The following UTRN variants were observed in gnomAD, a reference collection of about 807,000 sequenced individuals.
UTRN encodes utrophin, also known as dystrophin-related protein 1.
UTRN carries 283 observed loss-of-function variants against 463.9 expected under a neutral mutation model. That is an observed-to-expected ratio of 0.61 (90% CI 0.55 to 0.67). The LOEUF (loss-of-function observed/expected upper bound fraction) is 0.67, where lower values mean the gene tolerates loss of function less well. Among genes scored for constraint, UTRN ranks in the 30% least tolerant of loss-of-function variants. UTRN has a pLI of 0.00. For missense variants in UTRN, 3,922 were observed against 4,084.3 expected, an observed-to-expected ratio of 0.96 and a Z score of 1.08; for synonymous variants, 1,442 against 1,431.5, an observed-to-expected ratio of 1.01 and a Z score of -0.17.
intron 51 of UTRN, among the ~76,000 whole-genome samples, chr6:144,670,100 A>C (rs1001893451): frequency 3.3e-5 from 5 of 152,008 alleles, no homozygotes; most frequent in African/African-American, 4.8e-5. Context: ...TCCTGTGTAC[A>C]TGTCTTTTTC....
chr6:144,447,680 C>T lies in UTRN; in HGVS notation c.1801C>T (p.Leu601Phe), dbSNP rs537984540. 6.2e-7 allele frequency: 1 copy of T among 1,613,990 alleles called. No individual in the cohort carries two copies. The highest frequency in any genetic ancestry group is 8.5e-7 in the Non-Finnish European group (1 of 1,179,944). Reference sequence around the variant, plus strand: ...GATTGGCCAGGATGTGGGACAATTACTTGATAATTCCAAGGCATCTAAGAA... The same window carrying T: ...GATTGGCCAGGATGTGGGACAATTATTTGATAATTCCAAGGCATCTAAGAA... ...SEIGQDVGQL[L>F]DNSKASKKIN... Residue 601 changes from leucine to phenylalanine, a missense_variant, in exon 16 of 75, where the codon CTT becomes TTT. Leu to Phe is a conservative substitution (Grantham distance 22). Coordinates refer to ENST00000367545, the MANE Select transcript of UTRN (RefSeq NM_007124.3).
At position 144,436,125 on chromosome 6, in the gene UTRN, T is replaced by A. The variant is rs531224802; in HGVS notation, c.1046T>A (p.Phe349Tyr). ...GATGTTGAAGAAGTCAAAGACCAGT[T>A]TGCAACCCATGAAGTAAATATCTGT... ...SDDVEEVKDQ[F>Y]ATHEAFMMEL... is the part of the protein sequence containing the mutation. Residue 349 changes from phenylalanine (F) to tyrosine (Y), a missense_variant, in exon 10 of 75, where the codon TTT becomes TAT. By Grantham distance (22) the Phe-to-Tyr change is conservative. Coordinates refer to ENST00000367545, the MANE Select transcript of UTRN (RefSeq NM_007124.3). 1.2e-6 allele frequency: 2 copies of A among 1,613,752 alleles called. No individual in the cohort carries two copies. Among genetic ancestry groups the A allele is most frequent in the South Asian group, 2.2e-5 (2 of 91,078 alleles).
chr6:144,807,335 C>G (rs1166002144), intron 65 of UTRN, among the ~76,000 whole-genome samples: 1 of 151,898 alleles, frequency 6.6e-6, no homozygotes, highest in Non-Finnish European at 1.5e-5. Flanking sequence ...TGTAAGAAGA[C>G]TAATGGTATA....
chr6:144,508,151 C>T (rs763840294), intron 34 of UTRN, among the ~76,000 whole-genome samples: 7 of 152,268 alleles, frequency 4.6e-5, no homozygotes, highest in South Asian at 2.1e-4. Context: ...AATTTCCAGC[C>T]GTTGGATCTT....
chr6:144,667,832 A>G (rs1780584561), intron 51 of UTRN, among the ~76,000 whole-genome samples: 2 of 152,154 alleles, frequency 1.3e-5, no homozygotes, highest in African/African-American at 4.8e-5. Context: ...CAGCCTGAGA[A>G]CCTTGAATCA....
At chr6:144,663,242 A>G (rs1187307137) in intron 51 of UTRN, among the ~76,000 whole-genome samples, 1 of 152,146 alleles carries the variant, frequency 6.6e-6, no homozygotes, top group East Asian at 1.9e-4. Flanking sequence ...TGTGCCTGCC[A>G]GCAAGCAGGT....
intron 51 of UTRN, among the ~76,000 whole-genome samples, chr6:144,632,017 AG>A (rs1776581945): frequency 6.6e-6 from 1 of 152,202 alleles, no homozygotes; most frequent in Non-Finnish European, 1.5e-5. Context: ...GGGAAGCGCC[AG>A]GGTCCATCAA....
chr6:144,458,684 T>G, intron 19 of UTRN, 86 bp from the exon 20 acceptor site: 1 of 1,456,196 alleles, frequency 6.9e-7, no homozygotes, highest in East Asian at 2.4e-5. Flanking sequence ...ATTGCCTCAC[T>G]ATTCTGAGTG....
chr6:144,633,376 C>G (rs1187643311), intron 51 of UTRN, among the ~76,000 whole-genome samples: 3 of 152,030 alleles, frequency 2.0e-5, no homozygotes, highest in Admixed American at 1.3e-4. Context: ...ACTACAGGCA[C>G]CTGCAACCAC....
intron 41 of UTRN, among the ~76,000 whole-genome samples, chr6:144,526,582 G>A (rs140263482): frequency 1.8e-3 from 271 of 151,988 alleles, no homozygotes; most frequent in African/African-American, 6.0e-3. Flanking sequence ...TTTATGTGTC[G>A]GGTGAGTCTC....
chr6:144,437,060 C>T (rs1376060795), intron 10 of UTRN, among the ~76,000 whole-genome samples: 1 of 151,318 alleles, frequency 6.6e-6, no homozygotes, highest in African/African-American at 2.4e-5. Flanking sequence ...TCAAGTGATT[C>T]TCCTGCATCA....
chr6:144,442,423 A>T (rs1182612840), intron 13 of UTRN, among the ~76,000 whole-genome samples: 1 of 152,096 alleles, frequency 6.6e-6, no homozygotes, highest in Non-Finnish European at 1.5e-5. Context: ...GTATCTTTTC[A>T]ACAGCACCCC....
intron 54 of UTRN, among the ~76,000 whole-genome samples, chr6:144,747,797 A>G (rs1300382915): frequency 2.6e-5 from 4 of 152,230 alleles, no homozygotes; most frequent in Non-Finnish European, 5.9e-5. Context: ...AACACAATAC[A>G]TTAATCTTAT....
chr6:144,820,175 T>C (rs1586708700), intron 65 of UTRN, among the ~76,000 whole-genome samples: 3 of 148,946 alleles, frequency 2.0e-5, no homozygotes, highest in South Asian at 2.2e-4. Flanking sequence ...GTGGGTGGGG[T>C]TGGGATAGTG....
chr6:144,301,879 C>CT (rs1270734785), intron 2 of UTRN, among the ~76,000 whole-genome samples: 2 of 152,038 alleles, frequency 1.3e-5, no homozygotes, highest in African/African-American at 4.8e-5. Context: ...CCCCTCGCCC[C>CT]AAAAACCACC....
At chr6:144,302,309 G>A (rs531208962) in intron 2 of UTRN, among the ~76,000 whole-genome samples, 4 of 152,162 alleles carry the variant, frequency 2.6e-5, no homozygotes, top group East Asian at 1.9e-4. Context: ...TCAGGAGTTC[G>A]AGACCAGCCT....
rs530390940 is a variant in UTRN at position 144,564,745 on chromosome 6, G to C, written c.7289+7434G>C. On this transcript the variant is annotated intron_variant, in intron 50 of 74. Coordinates refer to ENST00000367545, the MANE Select transcript of UTRN (RefSeq NM_007124.3). ...ACTCATTATCACGAGAACAACATGG[G>C]GGAAACCATCCCCATTATCCAATTA... Among the ~76,000 whole-genome samples, 349 of 152,150 alleles carry C rather than the reference G, an allele frequency of 2.3e-3. 1 individual carries two copies. The highest frequency in any genetic ancestry group is 6.8e-3 in the Middle Eastern group (2 of 294).
chr6:144,300,194 A>T (rs1457060845), intron 2 of UTRN, among the ~76,000 whole-genome samples: 1 of 151,410 alleles, frequency 6.6e-6, no homozygotes, highest in Non-Finnish European at 1.5e-5. Context: ...GGATCAAGTG[A>T]TTCTCCCACC....
chr6:144,416,053 ATGTGTGTGTG>A (rs150925725), intron 3 of UTRN, among the ~76,000 whole-genome samples: 3 of 147,040 alleles, frequency 2.0e-5, no homozygotes, highest in African/African-American at 7.5e-5. Flanking sequence ...GTGTGTGTGT[ATGTGTGTGTG>A]TGTGTGTGTG....
Sources: allele counts gnomAD v4.1 joint callset (sites outside exome capture counted in the v4.1 genomes callset), GRCh38; gene constraint gnomAD v4.1.1; transcripts MANE v1.5; gene names NCBI Gene and HGNC (gene_info 2026-07-23, HGNC 2026-07-21).